CDH2: variants seen among roughly 807,000 people sequenced by gnomAD.
The protein encoded by CDH2 is cadherin 2, also known as cadherin-2.
In CDH2, 17 loss-of-function variants were observed where a neutral mutation model predicts 92.0. The ratio of observed to expected loss-of-function variants is 0.18; its 90% CI spans 0.13 to 0.28. CDH2 has a LOEUF of 0.28. Among genes scored for constraint, CDH2 ranks in the 10% least tolerant of loss-of-function variants. The pLI is 1.00. For missense variants in CDH2, 862 were observed against 1,133.1 expected (o/e 0.76, Z 3.44); for synonymous variants, 419 against 415.9 (o/e 1.01, Z -0.09).
intron 15 of CDH2, among the ~76,000 whole-genome samples, chr18:27,960,903 T>A (rs1246354736): frequency 6.6e-6 from 1 of 152,140 alleles, no homozygotes; most frequent in African/African-American, 2.4e-5. Flanking sequence ...GAGCACTGTT[T>A]AGGAGAAAGA....
chr18:27,992,937 G>C, intron 8 of CDH2, 97 bp from the exon 9 acceptor site: 1 of 740,472 alleles, frequency 1.4e-6, no homozygotes, highest in Non-Finnish European at 2.2e-6. Flanking sequence ...TGCCCCATTA[G>C]ATTTTTATTA....
rs1467094710 is a variant in CDH2, at chr18:28,103,178, T to TAC, written c.172+44494_172+44495insGT. The stretch of plus-strand genomic sequence containing the variant: ...TAAACTCCTTTATATATATATAAAG[T>TAC]ATATATATAAAAACTCCTTTATATA... On this transcript the variant is annotated intron_variant, in intron 2 of 15. Coordinates refer to ENST00000269141, the MANE Select transcript of CDH2 (RefSeq NM_001792.5). Among the ~76,000 whole-genome samples, 381 of 145,814 alleles carry TAC rather than the reference T, an allele frequency of 2.6e-3. 16 individuals carry two copies. Among genetic ancestry groups the TAC allele is most frequent in the Non-Finnish European group, 4.4e-3 (290 of 66,580 alleles).
intron 10 of CDH2, among the ~76,000 whole-genome samples, chr18:27,989,786 G>C (rs1409090071): frequency 6.6e-6 from 1 of 152,112 alleles, no homozygotes; most frequent in African/African-American, 2.4e-5. Flanking sequence ...GAACCTTTTT[G>C]TGATGTTTGG....
intron 10 of CDH2, 74 bp from the exon 11 acceptor site, chr18:27,988,740 A>C: frequency 9.3e-7 from 1 of 1,073,210 alleles, no homozygotes; most frequent in Non-Finnish European, 1.4e-6. Flanking sequence ...TTTAGTTCCA[A>C]ATGCAACTGG....
rs1394668941 is a variant in CDH2, at chr18:27,985,231, C to T, written c.1978G>A (p.Asp660Asn). 1.9e-6 allele frequency: 3 copies of T among 1,569,160 alleles called. No homozygotes were observed. Among genetic ancestry groups the T allele is most frequent in the Non-Finnish European group, 2.6e-6 (3 of 1,139,962 alleles). ...ATCTTTAAATTAAGCTGAGCAAAAT[C>T]ACCTATATGAAAAAGGAAAAACATA... Reference protein sequence around the residue: ...RNWTITRLNGDFAQLNLKIKF... With the variant: ...RNWTITRLNGNFAQLNLKIKF... Residue 660 changes from aspartate to asparagine, a missense_variant and splice_region_variant, in exon 13 of 16, where the codon GAT (aspartate) becomes AAT (asparagine). This residue lies in a region of CDH2 where 564 missense variants were observed against 722.2 expected (regional missense o/e 0.78). Transcript: ENST00000269141.
intron 5 of CDH2, 101 bp downstream of exon 5, chr18:28,009,616 C>T (rs1041386317): frequency 1.1e-5 from 10 of 901,116 alleles, no homozygotes; most frequent in Non-Finnish European, 1.6e-5. Flanking sequence ...TCTTAAAACT[C>T]TCAGTATTGA....
At chr18:28,121,091 A>T (rs902693011) in intron 2 of CDH2, among the ~76,000 whole-genome samples, 1 of 152,186 alleles carries the variant, frequency 6.6e-6, no homozygotes, top group African/African-American at 2.4e-5. Flanking sequence ...TCCAGTGCTT[A>T]GAATATGTTT....
At position 28,007,346 on chromosome 18, in the gene CDH2, T is replaced by C. The variant is rs528992971; in HGVS notation, c.703-1353A>G. Among the ~76,000 whole-genome samples the C allele has an allele frequency of 3.9e-5, 6 of 151,914 alleles. No homozygotes were observed. The East Asian group carries it at 9.7e-4, about 25-fold the overall frequency. ...CAAAATCCTTTCCTCTAGAATAGATTCATTTCATTCTTTCCAATGGCTGTT... is the reference window on the plus strand; with the variant it reads ...CAAAATCCTTTCCTCTAGAATAGATCCATTTCATTCTTTCCAATGGCTGTT... On this transcript the variant is annotated intron_variant, in intron 5 of 15. Transcript: ENST00000269141.
chr18:28,079,025 A>G (rs552195697), intron 2 of CDH2, among the ~76,000 whole-genome samples: 4 of 152,310 alleles, frequency 2.6e-5, no homozygotes, highest in African/African-American at 9.6e-5. Flanking sequence ...TTAAGTCTTC[A>G]GGAATGTTTC....
At chr18:27,944,844 T>G (rs969729461) in intron 6 of CDH2, among the ~76,000 whole-genome samples, 2 of 151,434 alleles carry the variant, frequency 1.3e-5, no homozygotes, top group Non-Finnish European at 2.9e-5. Context: ...GCCCAAGAAG[T>G]TTGAGGCGGC....
chr18:28,128,692 A>G (rs2015718312), intron 2 of CDH2, among the ~76,000 whole-genome samples: 1 of 152,118 alleles, frequency 6.6e-6, no homozygotes, highest in African/African-American at 2.4e-5. Context: ...TCTCAAAAAA[A>G]AAAAAAAAGT....
intron 6 of CDH2, 108 bp from the exon 7 acceptor site, chr18:28,003,277 C>A: frequency 1.3e-6 from 1 of 789,258 alleles, no homozygotes; most frequent in South Asian, 2.2e-5. Context: ...TTTTTAAAAA[C>A]AAATATTTAA....
intron 2 of CDH2, among the ~76,000 whole-genome samples, chr18:28,120,715 G>A (rs183008333): frequency 1.3e-5 from 2 of 152,102 alleles, no homozygotes; most frequent in South Asian, 2.1e-4. Flanking sequence ...GAACTTCATC[G>A]ACCCCATCTA....
intron 5 of CDH2, among the ~76,000 whole-genome samples, chr18:28,008,607 AG>A (rs1331022309): frequency 6.6e-6 from 1 of 152,010 alleles, no homozygotes; most frequent in Non-Finnish European, 1.5e-5. Context: ...GGGTGGGATG[AG>A]GGGGGAAGGA....
At chr18:27,944,375 ATAAT>A (rs959661157) in intron 6 of CDH2, among the ~76,000 whole-genome samples, 3 of 152,200 alleles carry the variant, frequency 2.0e-5, no homozygotes, top group African/African-American at 7.2e-5. Context: ...CATCCATTTC[ATAAT>A]TAAGTTAGCC....
intron 2 of CDH2, among the ~76,000 whole-genome samples, chr18:28,038,291 C>T (rs1465318192): frequency 2.0e-5 from 3 of 151,956 alleles, no homozygotes; most frequent in African/African-American, 2.4e-5. Flanking sequence ...GGCATGGTGG[C>T]GCACACCTGT....
chr18:28,114,837 A>C (rs2015470016), intron 2 of CDH2, among the ~76,000 whole-genome samples: 1 of 151,896 alleles, frequency 6.6e-6, no homozygotes. Context: ...CATCTTCTTA[A>C]AAAAAAATGA....
chr18:27,990,115 T>A lies in CDH2; in HGVS notation c.1580A>T (p.Tyr527Phe). Residue 527 changes from tyrosine (Y) to phenylalanine (F), a missense_variant, in exon 10 of 16, where the codon TAT becomes TTT. Tyr to Phe is a conservative substitution (Grantham distance 22). Coordinates refer to ENST00000269141, the MANE Select transcript of CDH2 (RefSeq NM_001792.5). ...TTFTAQDPDRYMQQNIRYTKL... is the reference protein window; with the variant it reads ...TTFTAQDPDRFMQQNIRYTKL... The stretch of plus-strand genomic sequence containing the variant: ...TTCATACCTAATATTTTGCTGCATA[T>A]ATCGATCTGGGTCCTGAGCAGTGAA... The A allele has an allele frequency of 1.2e-6, 2 of 1,613,986 alleles. No individual in the cohort carries two copies. Among genetic ancestry groups the A allele is most frequent in the South Asian group, 2.2e-5 (2 of 91,080 alleles).
chr18:28,027,320 A>G (rs575940015), intron 2 of CDH2, among the ~76,000 whole-genome samples: 1 of 152,252 alleles, frequency 6.6e-6, no homozygotes, highest in East Asian at 1.9e-4. Context: ...AGTTCAAAAA[A>G]AAAAATTTTC....
Sources: allele counts gnomAD v4.1 joint callset (sites outside exome capture counted in the v4.1 genomes callset), GRCh38; gene constraint gnomAD v4.1.1; regional missense constraint gnomAD v4.1.1; transcripts MANE v1.5; gene names NCBI Gene and HGNC (gene_info 2026-07-23, HGNC 2026-07-21).